Variants in SEMA3D observed in about 807,000 individuals in gnomAD.
The protein encoded by SEMA3D is semaphorin 3D.
SEMA3D carries 84 observed loss-of-function variants against 100.1 expected under a neutral mutation model. The ratio of observed to expected loss-of-function variants is 0.84; its 90% CI spans 0.70 to 1.01. SEMA3D has a LOEUF of 1.01. Among genes scored for constraint, SEMA3D ranks in the 50% least tolerant of loss-of-function variants. The probability of loss-of-function intolerance (pLI) is 0.00; values close to 1 mark genes in which losing one functional copy is unlikely to be tolerated. For synonymous variants in SEMA3D, 312 were observed against 320.7 expected, an observed-to-expected ratio of 0.97 and a Z score of 0.29; for missense variants, 875 against 934.1, an observed-to-expected ratio of 0.94 and a Z score of 0.82.
chr7:85,197,552 T>C, the SEMA3D span, among the ~76,000 whole-genome samples: 1 of 152,050 alleles, frequency 6.6e-6, no homozygotes, highest in South Asian at 2.1e-4. Context: ...ATGTCTCATG[T>C]GTCCCTAAAA....
At chr7:85,020,904 T>C (rs1186419882) in intron 13 of SEMA3D, among the ~76,000 whole-genome samples, 1 of 151,622 alleles carries the variant, frequency 6.6e-6, no homozygotes, top group Non-Finnish European at 1.5e-5. Flanking sequence ...TTATTTAAGT[T>C]CAACTTAATA....
chr7:85,073,007 T>A lies in SEMA3D; in HGVS notation c.450A>T (p.Ala150=). ...CAATATACCCACATATTGGATGAAA[T>A]GCTCCAGTTCCACACACATATATGT... ...KTHIYVCGTG[A]FHPICGYIDL... Residue 150 remains alanine, a synonymous_variant, in exon 6 of 19, where the codon GCA becomes GCT. Coordinates refer to ENST00000284136, the MANE Select transcript of SEMA3D (RefSeq NM_001384900.1). 6.2e-7 allele frequency: 1 copy of A among 1,611,272 alleles called. No individual in the cohort carries two copies. The highest frequency in any genetic ancestry group is 1.1e-5 in the South Asian group (1 of 90,796).
At chr7:85,182,262 G>A (rs930824782) in intron 1 of SEMA3D, among the ~76,000 whole-genome samples, 8 of 151,840 alleles carry the variant, frequency 5.3e-5, no homozygotes, top group African/African-American at 1.7e-4. Context: ...CACTATTCCT[G>A]TATGTTATGC....
the SEMA3D span, among the ~76,000 whole-genome samples, chr7:85,231,187 C>A: frequency 6.6e-6 from 1 of 152,198 alleles, no homozygotes; most frequent in African/African-American, 2.4e-5. Context: ...CTTTGGCTTT[C>A]TCTTCCTTTC....
chr7:85,239,068 C>T, the SEMA3D span, among the ~76,000 whole-genome samples: 1 of 152,092 alleles, frequency 6.6e-6, no homozygotes. Context: ...AATATACACA[C>T]CTTATTAAGG....
At chr7:85,157,009 TATAAAG>T (rs1790617519) in intron 1 of SEMA3D, among the ~76,000 whole-genome samples, 1 of 152,188 alleles carries the variant, frequency 6.6e-6, no homozygotes. Context: ...CTCTACTCTT[TATAAAG>T]ATAAACACAG....
At chr7:85,161,401 A>G (rs1790740340) in intron 1 of SEMA3D, among the ~76,000 whole-genome samples, 1 of 152,122 alleles carries the variant, frequency 6.6e-6, no homozygotes, top group Middle Eastern at 3.2e-3. Flanking sequence ...ATATAGATAG[A>G]TACAGAAATA....
intron 1 of SEMA3D, among the ~76,000 whole-genome samples, chr7:85,160,448 G>C (rs1282433218): frequency 6.6e-6 from 1 of 152,166 alleles, no homozygotes; most frequent in East Asian, 1.9e-4. Context: ...GTGAAAGAGA[G>C]AGAGAAATTG....
At chr7:85,106,939 G>C (rs1010347363) in intron 3 of SEMA3D, among the ~76,000 whole-genome samples, 1 of 152,018 alleles carries the variant, frequency 6.6e-6, no homozygotes. Context: ...CACAGGACAC[G>C]TGGGGATTAC....
At chr7:85,084,128 C>A (rs1373720696) in intron 4 of SEMA3D, among the ~76,000 whole-genome samples, 3 of 151,768 alleles carry the variant, frequency 2.0e-5, no homozygotes, top group African/African-American at 4.8e-5. Context: ...GCCTGGGCGA[C>A]AGAGCGAGAC....
chr7:85,188,779 ACCTT>A (rs1479201260), upstream of SEMA3D, among the ~76,000 whole-genome samples: 2 of 152,168 alleles, frequency 1.3e-5, no homozygotes, highest in African/African-American at 2.4e-5. Context: ...ACCAAATGAC[ACCTT>A]CCTTTGCTAC....
At chr7:85,213,338 G>A in the SEMA3D span, among the ~76,000 whole-genome samples, 4 of 151,836 alleles carry the variant, frequency 2.6e-5, no homozygotes, top group African/African-American at 9.7e-5. Context: ...TACCTAAAAC[G>A]ATACTAAGCT....
chr7:85,217,499 T>C, the SEMA3D span, among the ~76,000 whole-genome samples: 2 of 152,020 alleles, frequency 1.3e-5, no homozygotes, highest in Non-Finnish European at 2.9e-5. Flanking sequence ...GGACACTTAA[T>C]TCAAGGGACA....
upstream of SEMA3D, among the ~76,000 whole-genome samples, chr7:85,187,869 AG>A (rs1337367129): frequency 2.0e-5 from 3 of 152,222 alleles, no homozygotes; most frequent in Admixed American, 2.0e-4. Flanking sequence ...GCATTTGGTG[AG>A]CCCTGTACGT....
At chr7:85,007,444 T>C (rs545054046) in intron 17 of SEMA3D, among the ~76,000 whole-genome samples, 1 of 151,884 alleles carries the variant, frequency 6.6e-6, no homozygotes, top group East Asian at 1.9e-4. Context: ...CTGACAAAAT[T>C]CTATGATGAT....
intron 8 of SEMA3D, among the ~76,000 whole-genome samples, chr7:85,064,652 A>G (rs1791564691): frequency 6.6e-6 from 1 of 152,164 alleles, no homozygotes; most frequent in Non-Finnish European, 1.5e-5. Context: ...CTTAAATTAC[A>G]GTGTTATGTC....
intron 14 of SEMA3D, 142 bp downstream of exon 14, chr7:85,020,091 T>G: frequency 1.7e-6 from 1 of 599,102 alleles, no homozygotes; most frequent in South Asian, 2.2e-5. Context: ...CTTTTTCCAC[T>G]GCTTTGGGAA....
At chr7:85,155,589 T>C (rs1010838798) in intron 1 of SEMA3D, among the ~76,000 whole-genome samples, 2 of 152,192 alleles carry the variant, frequency 1.3e-5, no homozygotes, top group African/African-American at 4.8e-5. Context: ...ATAGGTGGTG[T>C]TAATTAAAGA....
chr7:85,248,270 T>A, the SEMA3D span, among the ~76,000 whole-genome samples: 33,513 of 151,978 alleles, frequency 0.22, 3,930 homozygotes, highest in East Asian at 0.37. Flanking sequence ...AAAACAACAA[T>A]GAGATACTAC....
Sources: gnomAD v4.1 joint callset for allele counts (sites outside exome capture counted in the v4.1 genomes callset) on GRCh38, gnomAD v4.1.1 for gene constraint, MANE v1.5 for transcripts, NCBI Gene and HGNC (gene_info 2026-07-23, HGNC 2026-07-21) for gene names.